The following NNMT variants were observed in gnomAD, a reference collection of about 807,000 sequenced individuals.
NNMT encodes nicotinamide N-methyltransferase.
Under a neutral mutation model 11.7 loss-of-function variants are expected in NNMT, and 10 were observed. The observed-to-expected ratio is 0.85, with a 90% CI of 0.53 to 1.45. The LOEUF (loss-of-function observed/expected upper bound fraction) is 1.45, where lower values mean the gene tolerates loss of function less well. Among genes scored for constraint, NNMT ranks in the 40% most tolerant of loss-of-function variants. The pLI, the probability that NNMT is intolerant of heterozygous loss-of-function variation, is 0.00. For missense variants in NNMT, 381 were observed against 319.4 expected, an observed-to-expected ratio of 1.19 and a Z score of -1.47; for synonymous variants, 143 against 133.8, an observed-to-expected ratio of 1.07 and a Z score of -0.48.
chr11:114,263,639 C>T (rs1945100245), intron 2 of NNMT, among the ~76,000 whole-genome samples: 1 of 152,254 alleles, frequency 6.6e-6, no homozygotes, highest in South Asian at 2.1e-4. Flanking sequence ...GTAGACCCCA[C>T]ACCTGCTCGC....
At chr11:114,301,140 A>G (rs1022390878) in intron 2 of NNMT, among the ~76,000 whole-genome samples, 1 of 152,110 alleles carries the variant, frequency 6.6e-6, no homozygotes, top group African/African-American at 2.4e-5. Context: ...ACTCTTATTT[A>G]TTGTTCGTGG....
At chr11:114,297,004 C>T (rs1945387446) in intron 1 of NNMT, among the ~76,000 whole-genome samples, 1 of 152,180 alleles carries the variant, frequency 6.6e-6, no homozygotes, top group South Asian at 2.1e-4. Flanking sequence ...CAAAGGGCCA[C>T]TTAAGTGGAA....
chr11:114,312,359 A>G lies in NNMT; in HGVS notation c.677A>G (p.Lys226Arg), dbSNP rs1386322896. The G allele has an allele frequency of 6.2e-7, 1 of 1,614,126 alleles. No homozygotes were observed. The highest frequency in any genetic ancestry group is 1.3e-5 in the African/African-American group (1 of 74,936). ...CGGGAGGCAGTAGAGGCTGCTGTGA[A>G]AGAGGCTGGCTACACAATCGAATGG... ...LGREAVEAAVKEAGYTIEWFE... is the reference protein window; with the variant it reads ...LGREAVEAAVREAGYTIEWFE... Residue 226 changes from lysine to arginine, a missense_variant, in exon 3 of 3, where the codon AAA becomes AGA. Transcript: ENST00000299964.
intron 2 of NNMT, among the ~76,000 whole-genome samples, chr11:114,289,315 T>G (rs537273198): frequency 1.3e-5 from 2 of 152,310 alleles, no homozygotes; most frequent in East Asian, 3.9e-4. Context: ...ATTTGTTAAT[T>G]GTATTTATCT....
intron 1 of NNMT, among the ~76,000 whole-genome samples, chr11:114,259,826 T>TCC (rs1406872416): frequency 6.6e-6 from 1 of 152,130 alleles, no homozygotes; most frequent in East Asian, 1.9e-4. Context: ...CTGACTACAT[T>TCC]AATAGCAAAG....
intron 2 of NNMT, among the ~76,000 whole-genome samples, chr11:114,282,075 A>T (rs1350644138): frequency 2.0e-5 from 3 of 151,948 alleles, no homozygotes; most frequent in African/African-American, 7.3e-5. Flanking sequence ...AGAAATTAAA[A>T]ACGCCAGGCA....
At chr11:114,272,351 G>A (rs951123225) in intron 2 of NNMT, among the ~76,000 whole-genome samples, 5 of 152,198 alleles carry the variant, frequency 3.3e-5, no homozygotes, top group Non-Finnish European at 5.9e-5. Flanking sequence ...CTTGCAGGAG[G>A]TCTGTGGGTG....
intron 2 of NNMT, among the ~76,000 whole-genome samples, chr11:114,306,928 G>A (rs1356272680): frequency 2.0e-5 from 3 of 152,208 alleles, no homozygotes; most frequent in Non-Finnish European, 4.4e-5. Flanking sequence ...AGACACAGTT[G>A]TGCCAAATGT....
rs764943736 is a variant in NNMT, at chr11:114,296,701, T to C, written c.145T>C (p.Phe49Leu). The change falls in exon 1 of 3, where the codon TTC becomes CTC. Residue 49 changes from phenylalanine (F) to leucine (L), a missense_variant. Transcript: ENST00000299964. ...CCTTCTGAAAAATCTTTTCAAGATA[T>C]TCTGCCTAGGTAAGTCTGTTGTCTG... ...KHLLKNLFKI[F>L]CLDGVKGDLL... 6.2e-7 allele frequency: 1 copy of C among 1,614,230 alleles called. No homozygotes were observed.
upstream of NNMT, among the ~76,000 whole-genome samples, chr11:114,295,356 T>C (rs144223393): frequency 6.6e-6 from 1 of 151,292 alleles, no homozygotes; most frequent in East Asian, 1.9e-4. Context: ...GGGAGTGAGC[T>C]GAAGCCAAGC....
intron 1 of NNMT, among the ~76,000 whole-genome samples, chr11:114,258,864 C>G (rs141565666): frequency 6.6e-6 from 1 of 151,638 alleles, no homozygotes; most frequent in African/African-American, 2.4e-5. Context: ...GAGCTCCATT[C>G]CCCTGTGGGC....
chr11:114,274,949 T>C (rs1945203915), intron 2 of NNMT, among the ~76,000 whole-genome samples: 2 of 152,160 alleles, frequency 1.3e-5, no homozygotes, highest in African/African-American at 4.8e-5. Context: ...ATCGCTGGGA[T>C]TGGAGTTGGG....
intron 1 of NNMT, among the ~76,000 whole-genome samples, chr11:114,259,365 T>G (rs1365573602): frequency 7.2e-6 from 1 of 138,538 alleles, no homozygotes; most frequent in Non-Finnish European, 1.6e-5. Flanking sequence ...GGGGAGCTCC[T>G]GCATCCCCAC....
intron 2 of NNMT, among the ~76,000 whole-genome samples, chr11:114,288,617 T>C (rs994543751): frequency 6.6e-6 from 1 of 152,198 alleles, no homozygotes; most frequent in Non-Finnish European, 1.5e-5. Context: ...TTAGATTGCC[T>C]GGGTCTAAAA....
At chr11:114,286,441 C>T (rs1050468664) in intron 2 of NNMT, among the ~76,000 whole-genome samples, 2 of 152,220 alleles carry the variant, frequency 1.3e-5, no homozygotes, top group African/African-American at 4.8e-5. Context: ...CAGGCAACCA[C>T]TATCCTGGCA....
intron 2 of NNMT, among the ~76,000 whole-genome samples, chr11:114,310,136 C>T (rs932269833): frequency 5.3e-5 from 8 of 152,148 alleles, no homozygotes; most frequent in Non-Finnish European, 8.8e-5. Flanking sequence ...AGACAGATTT[C>T]CTGGGTCATG....
intron 2 of NNMT, among the ~76,000 whole-genome samples, chr11:114,309,469 G>A (rs948499947): frequency 6.6e-6 from 1 of 152,112 alleles, no homozygotes; most frequent in African/African-American, 2.4e-5. Context: ...ACCATTTCTA[G>A]CCTTGATAAA....
At chr11:114,299,228 A>G (rs1054485561) in intron 2 of NNMT, among the ~76,000 whole-genome samples, 5 of 152,206 alleles carry the variant, frequency 3.3e-5, no homozygotes, top group Non-Finnish European at 7.4e-5. Flanking sequence ...AAAATGTTCA[A>G]TGATTTATCA....
At chr11:114,305,971 T>C (rs1945488565) in intron 2 of NNMT, among the ~76,000 whole-genome samples, 1 of 152,204 alleles carries the variant, frequency 6.6e-6, no homozygotes, top group South Asian at 2.1e-4. Flanking sequence ...ACCAACAATG[T>C]AAAAGTGTTC....
Sources: allele counts gnomAD v4.1 joint callset (sites outside exome capture counted in the v4.1 genomes callset), GRCh38; gene constraint gnomAD v4.1.1; transcripts MANE v1.5; gene names NCBI Gene and HGNC (gene_info 2026-07-23, HGNC 2026-07-21).